FGF14: variants seen among roughly 807,000 people sequenced by gnomAD.
The protein encoded by FGF14 is fibroblast growth factor homologous factor 4.
Under a neutral mutation model 25.5 loss-of-function variants are expected in FGF14, and 5 were observed. The observed-to-expected ratio is 0.20, with a 90% CI of 0.10 to 0.41. The LOEUF (loss-of-function observed/expected upper bound fraction) is 0.41. Ranked by LOEUF, FGF14 falls within the 10% of genes least tolerant of loss-of-function variation. The pLI is 1.00. For missense variants in FGF14, 222 were observed against 320.1 expected (o/e 0.69, Z 2.34); for synonymous variants, 138 against 118.3 (o/e 1.17, Z -1.08).
rs1257574190 is a variant in FGF14 at position 101,720,602 on chromosome 13, TGTAA to T, written c.*2225_*2228del. On this transcript the variant is annotated 3_prime_UTR_variant, in exon 5 of 5. Transcript: ENST00000376143. ...TTTGTGTGAAGTGAAGTGTTGCTGC[TGTAA>T]GTAGTGTCCATAAGCCCATTTGACT... 1 of 151,792 alleles carries T rather than the reference TGTAA, an allele frequency of 6.6e-6. No individual in the cohort carries two copies. Among genetic ancestry groups the T allele is most frequent in the African/African-American group, 2.4e-5 (1 of 41,320 alleles). The allele number at this position is 151,792 out of a possible 1,614,324, so 9.4% of individuals were successfully genotyped here. A position where few individuals can be genotyped will look rare whatever the true frequency, so the allele number is the denominator to read the frequency against.
rs1010709183 is a variant in FGF14, at chr13:101,748,506, G to A, written c.409-21696C>T. Among the ~76,000 whole-genome samples, 18 of 151,322 alleles carry A rather than the reference G, an allele frequency of 1.2e-4. 1 individual carries two copies. Among genetic ancestry groups the A allele is most frequent in the Middle Eastern group, 3.4e-3 (1 of 294 alleles). On this transcript the variant is annotated intron_variant, in intron 3 of 4. Coordinates refer to ENST00000376143, the MANE Select transcript of FGF14 (RefSeq NM_004115.4). ...AAGGGGGTGAGGATAGGAGGGGGACGACAGATAAATTCTTTAATGGGTACA... is the reference window on the plus strand; with the variant it reads ...AAGGGGGTGAGGATAGGAGGGGGACAACAGATAAATTCTTTAATGGGTACA...
At chr13:101,970,348 C>T (rs1038562464) in intron 1 of FGF14, among the ~76,000 whole-genome samples, 1 of 152,166 alleles carries the variant, frequency 6.6e-6, no homozygotes, top group Non-Finnish European at 1.5e-5. Flanking sequence ...TCATATGGTT[C>T]CTTCAACCAA....
intron 3 of FGF14, among the ~76,000 whole-genome samples, chr13:101,837,542 C>T (rs570562204): frequency 3.9e-5 from 6 of 152,104 alleles, no homozygotes; most frequent in South Asian, 2.1e-4. Flanking sequence ...GTATATGAAA[C>T]GTATATCTAA....
chr13:101,823,601 C>T (rs2042262132), intron 3 of FGF14, among the ~76,000 whole-genome samples: 1 of 150,400 alleles, frequency 6.6e-6, no homozygotes, highest in African/African-American at 2.4e-5. Flanking sequence ...CTATGCCCAG[C>T]TAACTTTGTA....
chr13:102,149,440 G>A (rs2046988173), intron 1 of FGF14, among the ~76,000 whole-genome samples: 1 of 152,178 alleles, frequency 6.6e-6, no homozygotes, highest in Non-Finnish European at 1.5e-5. Flanking sequence ...TACTGTGAGA[G>A]AGAGACAGAG....
intron 1 of FGF14, among the ~76,000 whole-genome samples, chr13:102,264,597 A>G (rs571864606): frequency 1.8e-4 from 28 of 152,034 alleles, no homozygotes; most frequent in African/African-American, 6.5e-4. Context: ...TAGGGATTTT[A>G]TAAAGGAATT....
intron 3 of FGF14, among the ~76,000 whole-genome samples, chr13:101,730,907 G>A (rs145960579): frequency 2.6e-3 from 391 of 152,252 alleles, no homozygotes; most frequent in African/African-American, 8.9e-3. Context: ...AAAAGCAGCC[G>A]TCCCTCACAT....
At chr13:102,244,489 ATAT>A (rs2051761306) in intron 1 of FGF14, among the ~76,000 whole-genome samples, 2 of 151,916 alleles carry the variant, frequency 1.3e-5, no homozygotes, top group African/African-American at 2.4e-5. Context: ...CCTTAAAATT[ATAT>A]TATTATCAAA....
chr13:102,379,582 T>C (rs115945191), intron 1 of FGF14, among the ~76,000 whole-genome samples: 459 of 151,924 alleles, frequency 3.0e-3, no homozygotes, highest in African/African-American at 0.01. Context: ...GAAAGAGAGA[T>C]AGTTCAGTGG....
At chr13:101,810,530 T>G (rs6491644) in intron 3 of FGF14, among the ~76,000 whole-genome samples, 133,753 of 151,874 alleles carry the variant, frequency 0.88, 59,164 homozygotes, top group Non-Finnish European at 0.93. Context: ...ATGTCATGCT[T>G]CTTAGAGATC....
chr13:101,829,032 G>A (rs956136311), intron 3 of FGF14, among the ~76,000 whole-genome samples: 2 of 151,992 alleles, frequency 1.3e-5, no homozygotes, highest in African/African-American at 2.4e-5. Context: ...CTGTGTTTCT[G>A]GTGTTTCCAA....
intron 1 of FGF14, among the ~76,000 whole-genome samples, chr13:101,893,109 T>G (rs1418210002): frequency 2.6e-5 from 4 of 152,108 alleles, no homozygotes; most frequent in African/African-American, 9.7e-5. Flanking sequence ...GACAAGGACT[T>G]AATTGTGAGA....
At chr13:102,029,169 T>A (rs1346830614) in intron 1 of FGF14, among the ~76,000 whole-genome samples, 1 of 152,106 alleles carries the variant, frequency 6.6e-6, no homozygotes, top group Non-Finnish European at 1.5e-5. Flanking sequence ...GGCTCTCATG[T>A]TGCTTGTGTG....
intron 3 of FGF14, among the ~76,000 whole-genome samples, chr13:101,728,281 T>C (rs2035574729): frequency 6.6e-6 from 1 of 152,124 alleles, no homozygotes; most frequent in African/African-American, 2.4e-5. Context: ...TTTGATGAAA[T>C]CACAATAGCC....
intron 1 of FGF14, among the ~76,000 whole-genome samples, chr13:102,079,895 A>G (rs1044659963): frequency 6.6e-6 from 1 of 152,146 alleles, no homozygotes; most frequent in Non-Finnish European, 1.5e-5. Flanking sequence ...GGAAACACAG[A>G]TATCTGGGAG....
intron 1 of FGF14, among the ~76,000 whole-genome samples, chr13:102,225,025 C>A (rs913175684): frequency 6.6e-6 from 1 of 152,142 alleles, no homozygotes; most frequent in African/African-American, 2.4e-5. Flanking sequence ...CTGAGGGTCA[C>A]AGTCGCAGCC....
At chr13:101,800,497 G>C (rs150475247) in intron 3 of FGF14, among the ~76,000 whole-genome samples, 1 of 152,124 alleles carries the variant, frequency 6.6e-6, no homozygotes, top group East Asian at 1.9e-4. Context: ...CTGTTTGCAC[G>C]AATCTAAAAA....
intron 1 of FGF14, among the ~76,000 whole-genome samples, chr13:102,159,840 T>C (rs770811364): frequency 1.3e-5 from 2 of 152,236 alleles, no homozygotes; most frequent in Non-Finnish European, 2.9e-5. Flanking sequence ...CTGGGTCAGA[T>C]ACTAAGAAAA....
rs944158953 is a variant in FGF14, at chr13:101,953,371, C to G, written c.209-78075G>C. Among the ~76,000 whole-genome samples, 6 of 151,900 alleles carry G rather than the reference C, an allele frequency of 3.9e-5. 1 individual carries two copies. Among genetic ancestry groups the G allele is most frequent in the Non-Finnish European group, 7.4e-5 (5 of 68,020 alleles). On this transcript the variant is annotated intron_variant, in intron 1 of 4. Transcript: ENST00000376131. ...CAGCTGAACACCCTGAGTGTTTAAC[C>G]CAGCAGGGGATCTGGGAGCTGTTCT...
Sources: gnomAD v4.1 joint callset for allele counts (sites outside exome capture counted in the v4.1 genomes callset) on GRCh38, gnomAD v4.1.1 for gene constraint, MANE v1.5 for transcripts, NCBI Gene and HGNC (gene_info 2026-07-23, HGNC 2026-07-21) for gene names.